Variants in NKIRAS1 observed in about 807,000 individuals in gnomAD.
NKIRAS1 encodes NFKB inhibitor interacting Ras like 1.
In NKIRAS1, 16 loss-of-function variants were observed where a neutral mutation model predicts 19.8. The observed-to-expected ratio is 0.81, with a 90% CI of 0.55 to 1.23. The LOEUF is 1.23. Ranked by LOEUF, NKIRAS1 falls within the 50% of genes most tolerant of loss-of-function variation. NKIRAS1 has a pLI of 0.00. For missense variants in NKIRAS1, 184 were observed against 220.0 expected (o/e 0.84, Z 1.04); for synonymous variants, 88 against 79.0 (o/e 1.11, Z -0.61).
At position 23,890,220 on chromosome 3, in the gene NKIRAS1, C is replaced by CAT. The variant is rs140464492; in HGVS notation, c.*2874_*2875insAT. Among the ~76,000 whole-genome samples the CAT allele has an allele frequency of 9.4e-3, 1,427 of 152,238 alleles. 26 individuals are homozygous for CAT. The highest frequency in any genetic ancestry group is 0.032 in the African/African-American group (1,332 of 41,520). On this transcript the variant is annotated 3_prime_UTR_variant, in exon 5 of 5. Coordinates refer to ENST00000425478, the MANE Select transcript of NKIRAS1 (RefSeq NM_020345.4). ...CCAGTCTCTACTGAACTCAGCCTAACACATAAGAGTAAAGAAACTCCAATT... is the reference window on the plus strand; with the variant it reads ...CCAGTCTCTACTGAACTCAGCCTAACATACATAAGAGTAAAGAAACTCCAATT...
intron 2 of NKIRAS1, 80 bp from the exon 3 acceptor site, chr3:23,911,001 A>G: frequency 9.3e-7 from 1 of 1,073,184 alleles, no homozygotes; most frequent in South Asian, 1.3e-5. Context: ...TTTCAATTTA[A>G]TATGTAACAC....
At chr3:23,945,665 G>C in intron 1 of NKIRAS1, 1 of 1,042,686 alleles carries the variant, frequency 9.6e-7, no homozygotes, top group Non-Finnish European at 1.2e-6. Flanking sequence ...CACTTTGGGG[G>C]GCGGCGGCAG....
chr3:23,898,618 A>AT (rs1245662383), intron 4 of NKIRAS1, among the ~76,000 whole-genome samples: 2 of 151,692 alleles, frequency 1.3e-5, no homozygotes, highest in African/African-American at 2.4e-5. Context: ...TAATTTTTGT[A>AT]TTTTTTTAGT....
At position 23,927,716 on chromosome 3, in the gene NKIRAS1, T is replaced by C. The variant is rs11928815; in HGVS notation, c.-139-16266A>G. On this transcript the variant is annotated intron_variant, in intron 1 of 4. Transcript: ENST00000421515. The surrounding 1 kb of genome is among the most constrained non-coding windows in gnomAD (Gnocchi z 4.0). ...TTTCTATGAGAGTGTAAACATACTA[T>C]TTAGCTTCCCGAGGTTGATTATTAA... Among the ~76,000 whole-genome samples, 1,083 of 152,304 alleles carry C rather than the reference T, an allele frequency of 7.1e-3. 16 individuals carry two copies. The highest frequency in any genetic ancestry group is 0.026 in the African/African-American group (1,060 of 41,562).
Position 23,926,573 on chromosome 3 carries a change from G to A in NKIRAS1, c.-139-15123C>T, listed in dbSNP as rs1285089989. On this transcript the variant is annotated intron_variant, in intron 1 of 4. Coordinates refer to the NKIRAS1 transcript ENST00000421515. This position sits in a 1 kb window ranked among gnomAD's most constrained non-coding sequence, Gnocchi z 4.3. ...GAGGCATATGAAGTCTAGTTTTACC[G>A]TAAAAAGTTTGATGTATAGATTTCA... Among the ~76,000 whole-genome samples, 6 of 151,478 alleles carry A rather than the reference G, an allele frequency of 4.0e-5. No homozygotes were observed. Among genetic ancestry groups the A allele is most frequent in the South Asian group, 2.1e-4 (1 of 4,804 alleles).
intron 1 of NKIRAS1, among the ~76,000 whole-genome samples, chr3:23,942,710 C>A (rs1296239674): frequency 6.6e-6 from 1 of 152,074 alleles, no homozygotes; most frequent in Non-Finnish European, 1.5e-5. Context: ...GGTGAGCCAC[C>A]GCTCCCGGCC....
At chr3:23,945,675 G>A (rs1435146354) in intron 1 of NKIRAS1, 9 of 961,222 alleles carry the variant, frequency 9.4e-6, no homozygotes, top group South Asian at 5.0e-5. Context: ...GGCGGCGGCA[G>A]GGGGTGTCCC....
intron 1 of NKIRAS1, among the ~76,000 whole-genome samples, chr3:23,941,661 G>A (rs567498180): frequency 6.6e-6 from 1 of 152,232 alleles, no homozygotes; most frequent in African/African-American, 2.4e-5. Flanking sequence ...CCCAACCAGA[G>A]GATGCTCCTG....
intron 3 of NKIRAS1, among the ~76,000 whole-genome samples, chr3:23,901,589 A>G (rs1265803773): frequency 6.6e-6 from 1 of 152,196 alleles, no homozygotes; most frequent in African/African-American, 2.4e-5. Context: ...TCATTTGTGC[A>G]AGTTTTATCT....
chr3:23,945,755 C>G (rs1214535593), intron 1 of NKIRAS1, among the ~76,000 whole-genome samples: 1 of 150,330 alleles, frequency 6.7e-6, no homozygotes, highest in East Asian at 2.0e-4. Flanking sequence ...CCATCGCCCC[C>G]CGGGCCGCCC....
intron 3 of NKIRAS1, among the ~76,000 whole-genome samples, chr3:23,902,818 G>A (rs186857938): frequency 1.6e-4 from 25 of 152,294 alleles, no homozygotes; most frequent in Non-Finnish European, 2.9e-4. Flanking sequence ...TAGACTGTGG[G>A]ATAAAGGGAA....
intron 1 of NKIRAS1, among the ~76,000 whole-genome samples, chr3:23,934,680 G>C (rs4292186): frequency 0.037 from 5,565 of 152,048 alleles, 148 homozygotes; most frequent in Middle Eastern, 0.092. Flanking sequence ...GCAAAAGAAA[G>C]GGATCTGGTT....
chr3:23,912,924 C>A (rs1182039762), intron 1 of NKIRAS1, among the ~76,000 whole-genome samples: 2 of 151,258 alleles, frequency 1.3e-5, no homozygotes. Flanking sequence ...TGAGACCATC[C>A]TGGCTAACAT....
At chr3:23,919,768 A>T, upstream of NKIRAS1, 1 of 1,162,538 alleles carries the variant, frequency 8.6e-7, no homozygotes, top group Non-Finnish European at 1.1e-6. Flanking sequence ...TAACAGGCTT[A>T]ATAAATTCTT....
At chr3:23,920,486 T>C (rs1214829922), upstream of NKIRAS1, 3 of 985,330 alleles carry the variant, frequency 3.0e-6, no homozygotes, top group East Asian at 2.3e-4. Flanking sequence ...GTGCACCCAC[T>C]TTGACTATGA....
intron 1 of NKIRAS1, chr3:23,923,683 T>A (rs1300715488): frequency 6.6e-6 from 1 of 152,224 alleles, no homozygotes; most frequent in Non-Finnish European, 1.5e-5. Flanking sequence ...TAGAATAAAT[T>A]CTTAGAAGTA....
intron 1 of NKIRAS1, among the ~76,000 whole-genome samples, chr3:23,945,074 G>A (rs1377074242): frequency 1.3e-5 from 2 of 151,816 alleles, no homozygotes; most frequent in Non-Finnish European, 2.9e-5. Context: ...AGAGGTTTAC[G>A]GCACGGAGGG....
At chr3:23,935,799 A>G (rs1705381468) in intron 1 of NKIRAS1, among the ~76,000 whole-genome samples, 1 of 152,062 alleles carries the variant, frequency 6.6e-6, no homozygotes, top group African/African-American at 2.4e-5. Flanking sequence ...GCTCATGGTC[A>G]GGCACAGTGG....
Position 23,932,775 on chromosome 3 carries a change from C to T in NKIRAS1, c.-140+13548G>A, listed in dbSNP as rs557084484. On this transcript the variant is annotated intron_variant, in intron 1 of 4. Transcript: ENST00000421515. ...TGCTGGTGCCTCTCATAGGAAAGAG[C>T]AAAAACCAGCAGTGTGTTCCACTTT... is the stretch of plus-strand genomic sequence containing the variant. Among the ~76,000 whole-genome samples the T allele has an allele frequency of 2.6e-5, 4 of 151,762 alleles. No homozygotes were observed. In the South Asian group the frequency reaches 8.3e-4, roughly 32 times the overall value.
Sources: allele counts gnomAD v4.1 joint callset (sites outside exome capture counted in the v4.1 genomes callset), GRCh38; gene constraint gnomAD v4.1.1; non-coding constraint Gnocchi (gnomAD v3.1); transcripts MANE v1.5; gene names NCBI Gene and HGNC (gene_info 2026-07-23, HGNC 2026-07-21).